Variants in PLXDC2 observed in about 807,000 individuals in gnomAD.
PLXDC2 encodes plexin domain-containing protein 2.
A neutral mutation model predicts 68.9 loss-of-function variants in PLXDC2; 40 were observed. The ratio of observed to expected loss-of-function variants is 0.58; its 90% confidence interval spans 0.45 to 0.76. The LOEUF is 0.76. Ranked by LOEUF, PLXDC2 falls within the 30% of genes least tolerant of loss-of-function variation. The pLI is 0.00. For synonymous variants in PLXDC2, 243 were observed against 234.2 expected (o/e 1.04, Z -0.34); for missense variants, 644 against 661.9 (o/e 0.97, Z 0.30).
chr10:19,955,245 GCTGGCCTCAAACTC>G (rs934378787), intron 1 of PLXDC2, among the ~76,000 whole-genome samples: 5 of 148,418 alleles, frequency 3.4e-5, no homozygotes, highest in African/African-American at 1.3e-4. Context: ...TGTTTCCCAA[GCTGGCCTCAAACTC>G]CTGGCCTCAA....
chr10:20,091,123 A>C (rs1405955153), intron 4 of PLXDC2, among the ~76,000 whole-genome samples: 5 of 152,168 alleles, frequency 3.3e-5, no homozygotes, highest in Non-Finnish European at 2.9e-5. Context: ...ATAGGAATTC[A>C]GTTGTATCTG....
At chr10:20,165,754 A>G (rs887315281) in intron 7 of PLXDC2, among the ~76,000 whole-genome samples, 1 of 152,156 alleles carries the variant, frequency 6.6e-6, no homozygotes, top group East Asian at 1.9e-4. Flanking sequence ...CATCTAGTCT[A>G]GTTTACATTT....
At chr10:20,133,719 C>G (rs748228999) in intron 4 of PLXDC2, among the ~76,000 whole-genome samples, 2 of 152,134 alleles carry the variant, frequency 1.3e-5, no homozygotes. Flanking sequence ...ATTCTTTGGG[C>G]GTCATGGATC....
intron 1 of PLXDC2, among the ~76,000 whole-genome samples, chr10:19,847,864 C>A (rs1837039548): frequency 6.6e-6 from 1 of 152,186 alleles, no homozygotes; most frequent in South Asian, 2.1e-4. Context: ...TGGGATTACA[C>A]AATTAGTAAA....
At chr10:20,170,108 G>GA (rs1411338566) in intron 7 of PLXDC2, among the ~76,000 whole-genome samples, 1 of 152,174 alleles carries the variant, frequency 6.6e-6, no homozygotes, top group Non-Finnish European at 1.5e-5. Flanking sequence ...ATACTACAAA[G>GA]AGGGTCTTTG....
chr10:20,213,422 T>C (rs1467905986), intron 10 of PLXDC2, among the ~76,000 whole-genome samples: 2 of 152,118 alleles, frequency 1.3e-5, no homozygotes, highest in Non-Finnish European at 2.9e-5. Flanking sequence ...ACTGTATTAA[T>C]TTCTATTGTT....
In PLXDC2 at chr10:20,217,515, G is replaced by C; in HGVS notation, c.1212G>C (p.Arg404Ser). ...TTVGATTTQF[R>S]VLTTTRRAVT... The stretch of plus-strand genomic sequence containing the variant: ...TAGGAGCGACAACCACCCAGTTCAG[G>C]GTCCTAACTACCACCAGAAGAGCAG... The change falls in exon 11 of 14, where the codon AGG becomes AGC. Residue 404 changes from arginine (R) to serine (S), a missense_variant. By Grantham distance (110) the Arg-to-Ser change is moderately radical (BLOSUM62 -1). This residue lies in a region of PLXDC2 where 330 missense variants were observed against 327.9 expected (regional missense o/e 1.01). Transcript: ENST00000377252. 2 of 1,611,742 alleles carry C rather than the reference G, an allele frequency of 1.2e-6. No individual in the cohort carries two copies. Among genetic ancestry groups the C allele is most frequent in the Non-Finnish European group, 1.7e-6 (2 of 1,179,062 alleles).
chr10:19,946,882 C>T (rs1249654984), intron 1 of PLXDC2, among the ~76,000 whole-genome samples: 2 of 151,980 alleles, frequency 1.3e-5, no homozygotes, highest in South Asian at 2.1e-4. Context: ...GGCGGTAATA[C>T]GAGTGACGAG....
chr10:20,196,848 A>G (rs7922483), intron 9 of PLXDC2, among the ~76,000 whole-genome samples: 72,325 of 151,960 alleles, frequency 0.48, 17,419 homozygotes, highest in Middle Eastern at 0.56. Flanking sequence ...TTCCCATTAT[A>G]GCCATATTAA....
chr10:20,138,062 T>G (rs1163604212), intron 4 of PLXDC2, among the ~76,000 whole-genome samples: 1 of 152,246 alleles, frequency 6.6e-6, no homozygotes, highest in Non-Finnish European at 1.5e-5. Flanking sequence ...TTAACCTTTC[T>G]TAAATGTACG....
At chr10:20,120,844 G>T (rs1005287849) in intron 4 of PLXDC2, among the ~76,000 whole-genome samples, 2 of 152,158 alleles carry the variant, frequency 1.3e-5, no homozygotes, top group Non-Finnish European at 2.9e-5. Flanking sequence ...TCTAAGAGGC[G>T]GGCTAGTGGC....
At chr10:20,110,932 T>G (rs1053301744) in intron 4 of PLXDC2, among the ~76,000 whole-genome samples, 4 of 152,206 alleles carry the variant, frequency 2.6e-5, no homozygotes, top group Non-Finnish European at 5.9e-5. Flanking sequence ...CACCTCACAC[T>G]TGTACTACTC....
chr10:19,865,768 G>T (rs1358578762), intron 1 of PLXDC2, among the ~76,000 whole-genome samples: 1 of 152,114 alleles, frequency 6.6e-6, no homozygotes, highest in Non-Finnish European at 1.5e-5. Flanking sequence ...GCATAAAGTT[G>T]GTTTTCACAG....
intron 7 of PLXDC2, among the ~76,000 whole-genome samples, chr10:20,174,924 C>T (rs1489499348): frequency 6.6e-6 from 1 of 152,070 alleles, no homozygotes; most frequent in African/African-American, 2.4e-5. Flanking sequence ...AGGTAACTCA[C>T]TATCATCTGG....
intron 4 of PLXDC2, among the ~76,000 whole-genome samples, chr10:20,070,496 C>T (rs910233851): frequency 1.3e-5 from 2 of 152,110 alleles, no homozygotes; most frequent in African/African-American, 4.8e-5. Context: ...AAATTGCTCA[C>T]AAGAAGTATG....
At chr10:20,032,106 C>G (rs1045462481) in intron 2 of PLXDC2, among the ~76,000 whole-genome samples, 1 of 152,064 alleles carries the variant, frequency 6.6e-6, no homozygotes, top group African/African-American at 2.4e-5. Flanking sequence ...CCGGCTTAAG[C>G]CACCATGCCT....
At chr10:19,958,300 A>G (rs1834103103) in intron 1 of PLXDC2, among the ~76,000 whole-genome samples, 2 of 152,218 alleles carry the variant, frequency 1.3e-5, no homozygotes, top group South Asian at 2.1e-4. Context: ...GGCTTTGTTC[A>G]CACCTGTCTC....
At chr10:20,081,944 C>G (rs1836566577) in intron 4 of PLXDC2, among the ~76,000 whole-genome samples, 2 of 149,126 alleles carry the variant, frequency 1.3e-5, no homozygotes, top group Non-Finnish European at 3.0e-5. Context: ...ACTTGGGAGG[C>G]TGAGGCAGGA....
chr10:20,057,779 T>A (rs1384089595), intron 3 of PLXDC2, among the ~76,000 whole-genome samples: 1 of 152,058 alleles, frequency 6.6e-6, no homozygotes, highest in African/African-American at 2.4e-5. Flanking sequence ...CCTGATTCCA[T>A]GTGGGCTAAA....
Sources: allele counts gnomAD v4.1 joint callset (sites outside exome capture counted in the v4.1 genomes callset), GRCh38; gene constraint gnomAD v4.1.1; regional missense constraint gnomAD v4.1.1; transcripts MANE v1.5; gene names NCBI Gene and HGNC (gene_info 2026-07-23, HGNC 2026-07-21).